RSPH6A: variants seen among roughly 807,000 people sequenced by gnomAD.
The protein encoded by RSPH6A is radial spoke head protein 6 homolog A.
Under a neutral mutation model 66.1 loss-of-function variants are expected in RSPH6A, and 49 were observed. The observed-to-expected ratio is 0.74, with a 90% CI of 0.59 to 0.94. RSPH6A has a LOEUF of 0.94. Ranked by LOEUF, RSPH6A falls within the 40% of genes least tolerant of loss-of-function variation. The pLI is 0.00. For synonymous variants in RSPH6A, 419 were observed against 402.4 expected (o/e 1.04, Z -0.49); for missense variants, 977 against 948.3 (o/e 1.03, Z -0.40).
At chr19:45,807,109 G>T (rs1057495632) in intron 2 of RSPH6A, among the ~76,000 whole-genome samples, 2 of 151,930 alleles carry the variant, frequency 1.3e-5, no homozygotes, top group African/African-American at 4.8e-5. Flanking sequence ...GGCCAGGCTG[G>T]TCTCGAACTC....
rs763525957 is a variant in RSPH6A, at chr19:45,810,631, T to C, written c.860A>G (p.Glu287Gly). ...CTCCTCCTCCATCTCCTGTTCGCCT[T>C]CAGTGCCGCCTCCACTCCGGGTGAA... The part of the protein sequence containing the change: ...ALFTRSGGGT[E>G]GEQEMEEEVG... Residue 287 changes from glutamate (E) to glycine (G), a missense_variant, in exon 2 of 6, where the codon GAA becomes GGA. Glu to Gly is a moderately conservative substitution (Grantham distance 98). Transcript: ENST00000221538. The C allele has an allele frequency of 8.7e-6, 14 of 1,613,880 alleles. No homozygotes were observed. The Middle Eastern group carries it at 1.5e-3, about 171-fold the overall frequency.
Position 45,815,023 on chromosome 19 carries a change from G to C in RSPH6A, c.154C>G (p.Arg52Gly), listed in dbSNP as rs1259943469. Residue 52 changes from arginine to glycine, a missense_variant, in exon 1 of 6, where the codon CGA (arginine) becomes GGA (glycine). Physicochemically the swap from Arg to Gly is moderately radical, Grantham distance 125. Coordinates refer to ENST00000221538, the MANE Select transcript of RSPH6A (RefSeq NM_030785.4). ...CTCTGTGACCAACCAGGGGCGTTTC[G>C]CTGGGCGTCTGGAGGTATCTGCTGC... ...ERQQIPPDAQ[R>G]NAPGWSQRGS... 4 of 1,613,742 alleles carry C rather than the reference G, an allele frequency of 2.5e-6. No individual in the cohort carries two copies. Among genetic ancestry groups the C allele is most frequent in the Non-Finnish European group, 2.5e-6 (3 of 1,180,034 alleles).
chr19:45,804,598 A>C lies in RSPH6A; in HGVS notation c.1307T>G (p.Leu436Arg), dbSNP rs1430934705. ...GACGTGGGGCAGCCGCGTCCATGGC[A>C]GGCCCGGCTCGTTGCACACAAAGTA... ...YLYFVCNEPG[L>R]PWTRLPHVTP... Residue 436 changes from leucine to arginine, a missense_variant, in exon 3 of 6, where the codon CTG becomes CGG. Leu to Arg is a moderately radical substitution (Grantham distance 102). Coordinates refer to ENST00000221538, the MANE Select transcript of RSPH6A (RefSeq NM_030785.4). This position sits in a 1 kb window ranked among gnomAD's most constrained non-coding sequence, Gnocchi z 5.8. The C allele has an allele frequency of 6.2e-7, 1 of 1,614,158 alleles. No individual in the cohort carries two copies. The highest frequency in any genetic ancestry group is 8.5e-7 in the Non-Finnish European group (1 of 1,180,028).
In RSPH6A at chr19:45,814,773, T is replaced by G; in HGVS notation, c.404A>C (p.Asp135Ala). 2 of 1,613,628 alleles carry G rather than the reference T, an allele frequency of 1.2e-6. No homozygotes were observed. The highest frequency in any genetic ancestry group is 1.7e-6 in the Non-Finnish European group (2 of 1,179,778). The part of the protein sequence containing the change: ...QGQSSLFQQL[D>A]PTFQEPPVNP... ...GACTGGGGGCTCCTGGAAGGTGGGG[T>G]CCAGTTGCTGGAACAGGCTGCTTTG... The change falls in exon 1 of 6, where the codon GAC becomes GCC. Residue 135 changes from aspartate to alanine, a missense_variant. Coordinates refer to ENST00000221538, the MANE Select transcript of RSPH6A (RefSeq NM_030785.4).
rs372373552 is a variant in RSPH6A, at chr19:45,800,512, G to A, written c.1850C>T (p.Pro617Leu). 81 of 1,613,338 alleles carry A rather than the reference G, an allele frequency of 5.0e-5. No homozygotes were observed. The highest frequency in any genetic ancestry group is 1.8e-4 in the South Asian group (16 of 91,060). ...GCGCACAACGGCCACTGAGTACTGCGGGCAGAGGCTGCAGGACAGGCGGGT... is the reference window on the plus strand; with the variant it reads ...GCGCACAACGGCCACTGAGTACTGCAGGCAGAGGCTGCAGGACAGGCGGGT... ...WTTRLSCSLC[P>L]QYSVAVVRSN... Residue 617 changes from proline (P) to leucine (L), a missense_variant, in exon 5 of 6, where the codon CCG becomes CTG. Physicochemically the swap from Pro to Leu is moderately conservative, Grantham distance 98 (BLOSUM62 -3). Coordinates refer to ENST00000221538, the MANE Select transcript of RSPH6A (RefSeq NM_030785.4).
Position 45,795,935 on chromosome 19 carries a change from G to A in RSPH6A, c.2088C>T (p.Ala696=). The A allele has an allele frequency of 6.4e-7, 1 of 1,559,904 alleles. No individual in the cohort carries two copies. The highest frequency in any genetic ancestry group is 1.1e-5 in the South Asian group (1 of 87,638). Residue 696 remains alanine (A), a synonymous_variant, in exon 6 of 6, where the codon GCC becomes GCT. Coordinates refer to ENST00000221538, the MANE Select transcript of RSPH6A (RefSeq NM_030785.4). ...EQALKAAQEQ[A]LGATEEEEEG... The stretch of plus-strand genomic sequence containing the variant: ...CCTCCTCCTCCTCTGTGGCTCCCAG[G>A]GCTTGTTCCTGGGCTGCTTTCAGAG...
At chr19:45,806,055 CAAAG>C (rs1426587410) in intron 2 of RSPH6A, among the ~76,000 whole-genome samples, 3 of 152,216 alleles carry the variant, frequency 2.0e-5, no homozygotes, top group Non-Finnish European at 4.4e-5. Context: ...GCTCCTGTAA[CAAAG>C]AAGCCACTTT....
rs2146284797 is a variant in RSPH6A, at chr19:45,804,403, T to A, written c.1502A>T (p.Gln501Leu). 2 of 1,613,722 alleles carry A rather than the reference T, an allele frequency of 1.2e-6. No homozygotes were observed. Among genetic ancestry groups the A allele is most frequent in the South Asian group, 2.2e-5 (2 of 91,052 alleles). ...CTCGTCGCCCTCCTCCTCACTAAACTGGTAGAAGCCCAGCGGGCTGACCTG... is the reference window on the plus strand; with the variant it reads ...CTCGTCGCCCTCCTCCTCACTAAACAGGTAGAAGCCCAGCGGGCTGACCTG... ...ATQVSPLGFY[Q>L]FSEEEGDEEE... Residue 501 changes from glutamine (Q) to leucine (L), a missense_variant, in exon 3 of 6, where the codon CAG becomes CTG. Transcript: ENST00000221538. This position sits in a 1 kb window ranked among gnomAD's most constrained non-coding sequence, Gnocchi z 5.8.
chr19:45,811,861 C>T (rs943489961), intron 1 of RSPH6A, among the ~76,000 whole-genome samples: 1 of 150,600 alleles, frequency 6.6e-6, no homozygotes. Context: ...CAACCTCTGC[C>T]TCCTGGGTTC....
chr19:45,815,125 G>A lies in RSPH6A; in HGVS notation c.52C>T (p.Arg18Trp), dbSNP rs770944981. The A allele has an allele frequency of 2.5e-6, 4 of 1,611,638 alleles. No homozygotes were observed. Among genetic ancestry groups the A allele is most frequent in the African/African-American group, 1.3e-5 (1 of 74,912 alleles). The stretch of plus-strand genomic sequence containing the variant: ...CTCTGGGAGGCCTGAGAAGTCCTCC[G>A]GCCCGGAGGCTGCTGGGCAGGGCGC... Reference protein sequence around the residue: ...PERPAQQPPGRRTSQASQRRH... With the variant: ...PERPAQQPPGWRTSQASQRRH... Residue 18 changes from arginine (R) to tryptophan (W), a missense_variant, in exon 1 of 6, where the codon CGG becomes TGG. By Grantham distance (101) the Arg-to-Trp change is moderately radical. Transcript: ENST00000221538.
chr19:45,814,435 G>A, intron 1 of RSPH6A, 92 bp downstream of exon 1: 1 of 1,188,672 alleles, frequency 8.4e-7, no homozygotes, highest in Non-Finnish European at 1.1e-6. Flanking sequence ...CATGAGGGAT[G>A]ATCCCTTGTC....
Position 45,810,658 on chromosome 19 carries a change from A to G in RSPH6A, c.833T>C (p.Leu278Pro). Residue 278 changes from leucine (L) to proline (P), a missense_variant, in exon 2 of 6, where the codon CTG becomes CCG. Transcript: ENST00000221538. ...TYKMAEKQKALFTRSGGGTEG... is the reference protein window; with the variant it reads ...TYKMAEKQKAPFTRSGGGTEG... ...AGTGCCGCCTCCACTCCGGGTGAACAGCGCCTTCTGTTTCTCCGCCATCTT... is the reference window on the plus strand; with the variant it reads ...AGTGCCGCCTCCACTCCGGGTGAACGGCGCCTTCTGTTTCTCCGCCATCTT... 1 of 1,613,154 alleles carries G rather than the reference A, an allele frequency of 6.2e-7. No homozygotes were observed. Among genetic ancestry groups the G allele is most frequent in the Non-Finnish European group, 8.5e-7 (1 of 1,179,890 alleles).
intron 5 of RSPH6A, among the ~76,000 whole-genome samples, chr19:45,796,644 C>G (rs1452195891): frequency 6.6e-6 from 1 of 151,898 alleles, no homozygotes; most frequent in Non-Finnish European, 1.5e-5. Context: ...TCCCAAGTAG[C>G]TGGGACTACA....
At chr19:45,802,909 G>A (rs1970490874) in intron 3 of RSPH6A, among the ~76,000 whole-genome samples, 2 of 150,004 alleles carry the variant, frequency 1.3e-5, no homozygotes, top group South Asian at 4.3e-4. Flanking sequence ...CTGGGTTCAC[G>A]CCATTCTCCT....
At position 45,814,853 on chromosome 19, in the gene RSPH6A, C is replaced by T; in HGVS notation, c.324G>A (p.Arg108=). The change falls in exon 1 of 6, where the codon AGG becomes AGA. Residue 108 remains arginine (R), a synonymous_variant. Transcript: ENST00000221538. ...TGGTGGTGAGCTCGGCGACCTGCAT[C>T]CTGCTTTCATCAGAGTAAGGCTGAG... The part of the protein sequence containing the change: ...FQPQPYSDES[R]MQVAELTTSL... 2 of 1,614,120 alleles carry T rather than the reference C, an allele frequency of 1.2e-6. No individual in the cohort carries two copies. The highest frequency in any genetic ancestry group is 1.1e-5 in the South Asian group (1 of 91,082).
rs759718409 is a variant in RSPH6A at position 45,804,931 on chromosome 19, C to A, written c.974G>T (p.Arg325Leu). Residue 325 changes from arginine to leucine, a missense_variant, in exon 3 of 6, where the codon CGC (arginine) becomes CTC (leucine). Coordinates refer to ENST00000221538, the MANE Select transcript of RSPH6A (RefSeq NM_030785.4). This position sits in a 1 kb window ranked among gnomAD's most constrained non-coding sequence, Gnocchi z 5.8. ...CAGCTGTTTCATGGCCAGGAAAATG[C>A]GGAAGCTCTCGTCCGAGCTCAGGCC... is the stretch of plus-strand genomic sequence containing the variant. ...GVGLSSDESF[R>L]IFLAMKQLVE... 1.2e-6 allele frequency: 2 copies of A among 1,614,190 alleles called. No individual in the cohort carries two copies. Among genetic ancestry groups the A allele is most frequent in the East Asian group, 4.5e-5 (2 of 44,882 alleles).
intron 2 of RSPH6A, among the ~76,000 whole-genome samples, chr19:45,808,986 C>CT (rs373543177): frequency 8.8e-5 from 12 of 135,794 alleles, no homozygotes; most frequent in African/African-American, 2.8e-4. Context: ...CAAAACTTTT[C>CT]TTTTTTTTGT....
In RSPH6A at chr19:45,814,809, A is replaced by C. The variant is rs1970681988; in HGVS notation, c.368T>G (p.Leu123Arg). Residue 123 changes from leucine (L) to arginine (R), a missense_variant, in exon 1 of 6, where the codon CTC becomes CGC. Coordinates refer to ENST00000221538, the MANE Select transcript of RSPH6A (RefSeq NM_030785.4). The part of the protein sequence containing the change: ...ELTTSLMLQR[L>R]QQGQSSLFQQ... Reference sequence around the variant, plus strand: ...GAACAGGCTGCTTTGGCCCTGCTGGAGCCGCTGCAGCATTAGGCTGGTGGT... The same window carrying C: ...GAACAGGCTGCTTTGGCCCTGCTGGCGCCGCTGCAGCATTAGGCTGGTGGT... 6.2e-7 allele frequency: 1 copy of C among 1,613,880 alleles called. No individual in the cohort carries two copies. Among genetic ancestry groups the C allele is most frequent in the African/African-American group, 1.3e-5 (1 of 75,034 alleles).
At chr19:45,810,874 CCTCA>C (rs1568601459) in intron 1 of RSPH6A, 34 bp from the exon 2 acceptor site, 3 of 1,549,294 alleles carry the variant, frequency 1.9e-6, no homozygotes, top group African/African-American at 1.4e-5. Context: ...AGGAGAGGGA[CCTCA>C]CTCACTCAGC....
Sources: gnomAD v4.1 joint callset for allele counts (sites outside exome capture counted in the v4.1 genomes callset) on GRCh38, gnomAD v4.1.1 for gene constraint, Gnocchi (gnomAD v3.1) non-coding constraint, MANE v1.5 for transcripts, NCBI Gene and HGNC (gene_info 2026-07-23, HGNC 2026-07-21) for gene names.